The following TDRD12 variants were observed in gnomAD, a reference collection of about 807,000 sequenced individuals.
The protein encoded by TDRD12 is putative ATP-dependent RNA helicase TDRD12.
Under a neutral mutation model 133.5 loss-of-function variants are expected in TDRD12, and 158 were observed. The observed-to-expected ratio is 1.18, with a 90% CI of 1.04 to 1.35. The LOEUF (loss-of-function observed/expected upper bound fraction) is 1.35, where lower values mean the gene tolerates loss of function less well. TDRD12 is among the 40% of genes most tolerant of loss of function. The probability of loss-of-function intolerance (pLI) is 0.00; values close to 1 mark genes in which losing one functional copy is unlikely to be tolerated. For missense variants in TDRD12, 1,443 were observed against 1,321.3 expected, an observed-to-expected ratio of 1.09 and a Z score of -1.43; for synonymous variants, 460 against 477.9, an observed-to-expected ratio of 0.96 and a Z score of 0.49.
intron 14 of TDRD12, among the ~76,000 whole-genome samples, chr19:32,796,927 C>T (rs914675896): frequency 6.6e-6 from 1 of 150,840 alleles, no homozygotes; most frequent in South Asian, 2.1e-4. Context: ...AGTTACCTGT[C>T]GGCTTGCAGA....
At chr19:32,754,393 T>G (rs539250217) in intron 6 of TDRD12, among the ~76,000 whole-genome samples, 1 of 152,076 alleles carries the variant, frequency 6.6e-6, no homozygotes, top group East Asian at 1.9e-4. Context: ...CACTTGTGCC[T>G]GGGAGGCAGA....
At chr19:32,749,513 A>T (rs1969758564) in intron 5 of TDRD12, among the ~76,000 whole-genome samples, 2 of 152,080 alleles carry the variant, frequency 1.3e-5, no homozygotes, top group Non-Finnish European at 2.9e-5. Context: ...TGGACCTCAG[A>T]TGAAGGCCTG....
intron 2 of TDRD12, among the ~76,000 whole-genome samples, chr19:32,733,523 G>T (rs1469607773): frequency 6.6e-6 from 1 of 151,854 alleles, no homozygotes; most frequent in African/African-American, 2.4e-5. Flanking sequence ...TAAATATAAA[G>T]CTTTGGGTAG....
intron 3 of TDRD12, among the ~76,000 whole-genome samples, chr19:32,741,933 A>G (rs1424690515): frequency 6.6e-6 from 1 of 152,194 alleles, no homozygotes; most frequent in African/African-American, 2.4e-5. Context: ...CCAAAGAAGA[A>G]TGGAAATTAA....
chr19:32,821,302 T>C (rs1967379378), downstream of TDRD12: 1 of 675,732 alleles, frequency 1.5e-6, no homozygotes, highest in Non-Finnish European at 2.5e-6. Context: ...CAGTGTTTTG[T>C]TTTTGTAGTT....
chr19:32,785,969 A>T (rs1003876729), intron 11 of TDRD12, among the ~76,000 whole-genome samples: 8 of 152,288 alleles, frequency 5.3e-5, no homozygotes, highest in African/African-American at 1.9e-4. Context: ...TGATCCTGTC[A>T]TTATGATGCT....
intron 21 of TDRD12, among the ~76,000 whole-genome samples, chr19:32,804,818 T>C (rs992017801): frequency 2.6e-5 from 4 of 151,832 alleles, no homozygotes; most frequent in Non-Finnish European, 5.9e-5. Context: ...TTCGCGCCAC[T>C]GCACTCCAGA....
intron 13 of TDRD12, among the ~76,000 whole-genome samples, chr19:32,791,338 A>G (rs566185661): frequency 9.3e-4 from 142 of 152,284 alleles, no homozygotes; most frequent in African/African-American, 3.2e-3. Flanking sequence ...TCAGGTTTCC[A>G]GGATGCCTGT....
exon 11 of TDRD12, chr19:32,777,157 G>C: frequency 6.5e-7 from 1 of 1,539,252 alleles, no homozygotes; most frequent in African/African-American, 1.4e-5. Context: ...AGTGCTTTAA[G>C]TCAGAAGTCA....
intron 4 of TDRD12, among the ~76,000 whole-genome samples, chr19:32,747,521 A>G (rs982134549): frequency 2.0e-5 from 3 of 152,218 alleles, no homozygotes; most frequent in Admixed American, 1.3e-4. Flanking sequence ...CAGAAGAAAC[A>G]TAGAACATCA....
chr19:32,773,776 G>C (rs578255689), intron 10 of TDRD12, among the ~76,000 whole-genome samples: 244 of 152,310 alleles, frequency 1.6e-3, no homozygotes, highest in African/African-American at 5.8e-3. Flanking sequence ...TGTTCTATAA[G>C]ATTGATGATT....
intron 7 of TDRD12, 85 bp downstream of exon 7, chr19:32,756,266 C>A: frequency 2.6e-6 from 3 of 1,162,180 alleles, no homozygotes; most frequent in Non-Finnish European, 3.4e-6. Flanking sequence ...ACAGACTTTT[C>A]CCCACATGGA....
intron 14 of TDRD12, among the ~76,000 whole-genome samples, chr19:32,796,511 G>A (rs1026453566): frequency 6.6e-6 from 1 of 152,064 alleles, no homozygotes; most frequent in Non-Finnish European, 1.5e-5. Context: ...CTTGAACCTG[G>A]GAGGCGGAGG....
intron 18 of TDRD12, 26 bp downstream of exon 18, chr19:32,800,798 G>A: frequency 6.7e-7 from 1 of 1,495,750 alleles, no homozygotes; most frequent in Non-Finnish European, 8.8e-7. Context: ...TATAAAAAAT[G>A]TTCTGTTTGT....
intron 6 of TDRD12, 129 bp downstream of exon 6, chr19:32,749,998 A>G (rs1413264436): frequency 8.2e-6 from 5 of 607,388 alleles, no homozygotes; most frequent in South Asian, 3.1e-5. Flanking sequence ...CTTAAGGTCT[A>G]TCTTAGACCC....
At chr19:32,741,076 CTATTT>C (rs1254731726) in intron 3 of TDRD12, among the ~76,000 whole-genome samples, 3 of 152,130 alleles carry the variant, frequency 2.0e-5, no homozygotes, top group Admixed American at 1.3e-4. Flanking sequence ...TAAGAGGTGT[CTATTT>C]TGTTTTGTTT....
chr19:32,764,255 C>T (rs539432757), intron 8 of TDRD12, among the ~76,000 whole-genome samples: 5 of 151,818 alleles, frequency 3.3e-5, no homozygotes, highest in Admixed American at 6.6e-5. Context: ...GGACTACAGG[C>T]GCCTGCCACC....
At chr19:32,754,837 C>T (rs912054979) in intron 6 of TDRD12, among the ~76,000 whole-genome samples, 10 of 151,940 alleles carry the variant, frequency 6.6e-5, no homozygotes, top group East Asian at 1.9e-4. Context: ...GCCACCACGC[C>T]GGGCTAATTT....
At chr19:32,740,624 GCTGCTCTC>G (rs1370632655) in intron 3 of TDRD12, among the ~76,000 whole-genome samples, 2 of 152,160 alleles carry the variant, frequency 1.3e-5, no homozygotes, top group Non-Finnish European at 2.9e-5. Context: ...CTCCTTGCCG[GCTGCTCTC>G]CTGCCTGTCC....
Sources: allele counts gnomAD v4.1 joint callset (sites outside exome capture counted in the v4.1 genomes callset), GRCh38; gene constraint gnomAD v4.1.1; transcripts MANE v1.5; gene names NCBI Gene and HGNC (gene_info 2026-07-23, HGNC 2026-07-21).